Variants in VWA3A observed in about 807,000 individuals in gnomAD.
VWA3A encodes von Willebrand factor A domain containing 3A.
Under a neutral mutation model 160.4 loss-of-function variants are expected in VWA3A, and 134 were observed. The observed-to-expected ratio is 0.84, with a 90% CI of 0.73 to 0.96. The LOEUF (loss-of-function observed/expected upper bound fraction) is 0.96, where lower values mean the gene tolerates loss of function less well. VWA3A is among the 40% of genes least tolerant of loss of function. VWA3A has a pLI of 0.00. For missense variants in VWA3A, 1,310 were observed against 1,447.9 expected (o/e 0.90, Z 1.55); for synonymous variants, 476 against 543.4 (o/e 0.88, Z 1.72).
intron 9 of VWA3A, among the ~76,000 whole-genome samples, chr16:22,115,922 GA>G (rs1319913456): frequency 0.032 from 813 of 25,450 alleles, 3 homozygotes; most frequent in African/African-American, 0.066. Context: ...AGGAAGGAAG[GA>G]AAGGAAAGGA....
intron 20 of VWA3A, among the ~76,000 whole-genome samples, chr16:22,133,649 CAA>C (rs1230000179): frequency 3.7e-5 from 3 of 82,064 alleles, no homozygotes; most frequent in Admixed American, 2.8e-4. Flanking sequence ...AACTCTGTCT[CAA>C]AAAAAAAAAA....
chr16:22,115,457 C>A lies in VWA3A; in HGVS notation c.800C>A (p.Ala267Asp). The A allele has an allele frequency of 1.2e-6, 2 of 1,606,942 alleles. No individual in the cohort carries two copies. Among genetic ancestry groups the A allele is most frequent in the Admixed American group, 1.7e-5 (1 of 58,798 alleles). The stretch of plus-strand genomic sequence containing the variant: ...CTCAAGGGACTGGATTCCCTGGTGG[C>A]CATCATGAGAAGCTGGTAGGTCTTC... ...FTLKGLDSLV[A>D]IMRSCPDQPS... The change falls in exon 9 of 34, where the codon GCC (alanine) becomes GAC (aspartate). Residue 267 changes from alanine to aspartate, a missense_variant. Physicochemically the swap from Ala to Asp is moderately radical, Grantham distance 126. Transcript: ENST00000389398.
Position 22,121,500 on chromosome 16 carries a change from C to A in VWA3A, c.1253-14C>A. The A allele has an allele frequency of 6.2e-7, 1 of 1,603,456 alleles. No individual in the cohort carries two copies. Among genetic ancestry groups the A allele is most frequent in the Non-Finnish European group, 8.5e-7 (1 of 1,171,312 alleles). ...TTCTCAGGCAGTGCCTCCAACCTCA[C>A]ACTTTTTTTTCAGCCAAGAAATTAA... is the stretch of plus-strand genomic sequence containing the variant. On this transcript the variant is annotated splice_polypyrimidine_tract_variant and intron_variant, in intron 13 of 33. Transcript: ENST00000389398.
chr16:22,100,246 G>A lies in VWA3A; in HGVS notation c.278G>A (p.Trp93Ter). The change falls in exon 4 of 34, where the codon TGG becomes TAG. Residue 93 changes from tryptophan (W) to a stop codon, truncating the protein, a stop_gained. Transcript: ENST00000389398. LOFTEE classifies it high-confidence loss of function. ...TCAGATTGGGAGGACTCTGAAGACT[G>A]GCTTTCGGCTCACAGTTTAAAATGT... ...QSSDWEDSED[W>*]LSAHSLKCQK... 6.4e-7 allele frequency: 1 copy of A among 1,551,210 alleles called. No homozygotes were observed. The highest frequency in any genetic ancestry group is 8.7e-7 in the Non-Finnish European group (1 of 1,146,992).
chr16:22,096,446 C>A (rs1040430413), intron 1 of VWA3A, among the ~76,000 whole-genome samples: 3 of 152,102 alleles, frequency 2.0e-5, no homozygotes, highest in Non-Finnish European at 2.9e-5. Flanking sequence ...GGTGACAGAG[C>A]AAGACCTTGT....
At chr16:22,149,438 T>C (rs1032617488) in intron 28 of VWA3A, among the ~76,000 whole-genome samples, 1 of 151,948 alleles carries the variant, frequency 6.6e-6, no homozygotes, top group African/African-American at 2.4e-5. Flanking sequence ...GAGATGGGGG[T>C]CTCACTATGT....
intron 25 of VWA3A, among the ~76,000 whole-genome samples, chr16:22,143,135 G>T (rs2046183278): frequency 7.0e-6 from 1 of 142,672 alleles, no homozygotes; most frequent in Non-Finnish European, 1.5e-5. Flanking sequence ...GGGTGACAGA[G>T]CAAGACTCTG....
At chr16:22,135,987 C>T (rs1007574244) in intron 21 of VWA3A, among the ~76,000 whole-genome samples, 1 of 152,034 alleles carries the variant, frequency 6.6e-6, no homozygotes, top group Admixed American at 6.6e-5. Context: ...GATGGGGTTT[C>T]ACCATGTTGG....
intron 8 of VWA3A, among the ~76,000 whole-genome samples, chr16:22,111,966 G>T (rs56235446): frequency 6.6e-6 from 1 of 152,148 alleles, no homozygotes; most frequent in African/African-American, 2.4e-5. Context: ...GCACACACAT[G>T]CATCTGTGTG....
At chr16:22,150,958 T>C in intron 30 of VWA3A, 112 bp downstream of exon 30, 2 of 1,298,816 alleles carry the variant, frequency 1.5e-6, no homozygotes, top group East Asian at 2.6e-5. Flanking sequence ...CACGGGTTTC[T>C]CCTGGGCCCT....
chr16:22,139,090 C>A (rs1275141209), intron 22 of VWA3A, among the ~76,000 whole-genome samples: 1 of 152,176 alleles, frequency 6.6e-6, no homozygotes, highest in Non-Finnish European at 1.5e-5. Flanking sequence ...CATTGCATGA[C>A]TCAGACCCTG....
chr16:22,149,474 G>C (rs1048441104), intron 28 of VWA3A, among the ~76,000 whole-genome samples: 15 of 152,088 alleles, frequency 9.9e-5, no homozygotes, highest in African/African-American at 2.9e-4. Context: ...TGAACTCCTG[G>C]CCTCAAGCAA....
chr16:22,156,243 GCCAC>G lies in VWA3A; in HGVS notation c.*227_*230del. The G allele has an allele frequency of 3.8e-6, 1 of 262,212 alleles. No homozygotes were observed. Among genetic ancestry groups the G allele is most frequent in the Non-Finnish European group, 7.2e-6 (1 of 138,140 alleles). The allele number at this position is 262,212 out of a possible 1,614,324, so 16.2% of individuals were successfully genotyped here. A position where few individuals can be genotyped will look rare whatever the true frequency, so the allele number is the denominator to read the frequency against. On this transcript the variant is annotated 3_prime_UTR_variant, in exon 34 of 34. Transcript: ENST00000389398. ...GTCCCGCAGCGCACTCTACTCTCCA[GCCAC>G]TAGATTGTCCCTCTCTGGGAAGCCC... is the stretch of plus-strand genomic sequence containing the variant.
intron 7 of VWA3A, 139 bp from the exon 8 acceptor site, chr16:22,110,749 G>C: frequency 1.6e-6 from 1 of 625,370 alleles, no homozygotes; most frequent in Non-Finnish European, 2.5e-6. Flanking sequence ...CTTGGGGCTG[G>C]CTGCTAAGCC....
chr16:22,152,928 G>A (rs1172243775), intron 31 of VWA3A, among the ~76,000 whole-genome samples: 1 of 152,210 alleles, frequency 6.6e-6, no homozygotes, highest in African/African-American at 2.4e-5. Flanking sequence ...GGATTTGAGG[G>A]TGTTATATTT....
intron 31 of VWA3A, among the ~76,000 whole-genome samples, chr16:22,153,292 G>A (rs564997004): frequency 9.2e-5 from 14 of 152,184 alleles, no homozygotes; most frequent in South Asian, 2.1e-4. Context: ...GCAGTCAGCC[G>A]AGATTGCGCC....
At chr16:22,136,885 A>ACACACACACG in intron 21 of VWA3A, among the ~76,000 whole-genome samples, 1 of 120,334 alleles carries the variant, frequency 8.3e-6, no homozygotes, top group Non-Finnish European at 1.6e-5. Flanking sequence ...ACACACACAC[A>ACACACACACG]CACACACACG....
rs551422490 is a variant in VWA3A at position 22,134,255 on chromosome 16, C to T, written c.2069-113C>T. 1.9e-5 allele frequency: 15 copies of T among 804,372 alleles called. No homozygotes were observed. In the South Asian group the frequency reaches 2.4e-4, roughly 13 times the overall value. 49.8% of individuals were successfully genotyped at this position (804,372 alleles called of 1,614,324 possible). On this transcript the variant is annotated intron_variant, in intron 20 of 33. Coordinates refer to ENST00000389398, the MANE Select transcript of VWA3A (RefSeq NM_173615.5). ...ATGCTGGGATTACAGGAGTAAGCCA[C>T]CATTCCCAGCCCTCAAGTCACCTCC...
chr16:22,144,878 C>T (rs955024931), intron 26 of VWA3A, among the ~76,000 whole-genome samples: 1 of 152,096 alleles, frequency 6.6e-6, no homozygotes, highest in Non-Finnish European at 1.5e-5. Context: ...CACGCCACTG[C>T]ACTCCAGCCT....
Sources: gnomAD v4.1 joint callset for allele counts (sites outside exome capture counted in the v4.1 genomes callset) on GRCh38, gnomAD v4.1.1 for gene constraint, MANE v1.5 for transcripts, NCBI Gene and HGNC (gene_info 2026-07-23, HGNC 2026-07-21) for gene names.